Variants in VPS53 observed in about 807,000 individuals in gnomAD.
The protein encoded by VPS53 is VPS53 subunit of GARP complex.
In VPS53, 70 loss-of-function variants were observed where a neutral mutation model predicts 107.0. The ratio of observed to expected loss-of-function variants is 0.65; its 90% CI spans 0.54 to 0.80. The LOEUF is 0.80. VPS53 is among the 30% of genes least tolerant of loss of function. The probability of loss-of-function intolerance (pLI) is 0.00; values close to 1 mark genes in which losing one functional copy is unlikely to be tolerated. For missense variants in VPS53, 917 were observed against 1,049.4 expected, an observed-to-expected ratio of 0.87 and a Z score of 1.74; for synonymous variants, 409 against 393.3, an observed-to-expected ratio of 1.04 and a Z score of -0.47.
rs1463391352 is a variant in VPS53 at position 511,822 on chromosome 17, G to C, written c.*7306C>G. The C allele has an allele frequency of 1.3e-5, 2 of 152,200 alleles. No individual in the cohort carries two copies. Among genetic ancestry groups the C allele is most frequent in the Admixed American group, 1.3e-4 (2 of 15,284 alleles). The allele number at this position is 152,200 out of a possible 1,614,324, so 9.4% of individuals were successfully genotyped here. Reference sequence around the variant, plus strand: ...AAAAGAAAGGCAGGCAAGAATTTTTGTCCCTGTCGGGAGAAGAGTCTGGTC... The same window carrying C: ...AAAAGAAAGGCAGGCAAGAATTTTTCTCCCTGTCGGGAGAAGAGTCTGGTC... On this transcript the variant is annotated 3_prime_UTR_variant, in exon 22 of 22. Coordinates refer to ENST00000437048, the MANE Select transcript of VPS53 (RefSeq NM_001128159.3).
At chr17:686,895 C>G (rs573214243) in intron 4 of VPS53, among the ~76,000 whole-genome samples, 3 of 152,248 alleles carry the variant, frequency 2.0e-5, no homozygotes, top group Admixed American at 1.3e-4. Flanking sequence ...GCCTGTAATC[C>G]CAGCACTTTA....
At chr17:590,125 T>C (rs1392179324) in intron 12 of VPS53, among the ~76,000 whole-genome samples, 1 of 152,132 alleles carries the variant, frequency 6.6e-6, no homozygotes, top group Non-Finnish European at 1.5e-5. Context: ...AGGTATTTTA[T>C]TCTCTTTGAA....
At chr17:572,623 G>A (rs1408009227) in intron 13 of VPS53, among the ~76,000 whole-genome samples, 3 of 151,766 alleles carry the variant, frequency 2.0e-5, no homozygotes, top group Admixed American at 2.0e-4. Flanking sequence ...GAAATCGGAT[G>A]GTTGCCGTGT....
At chr17:545,601 A>G (rs189227638) in intron 17 of VPS53, among the ~76,000 whole-genome samples, 139 of 152,340 alleles carry the variant, frequency 9.1e-4, no homozygotes, top group Middle Eastern at 3.4e-3. Context: ...ATCTTTGGTC[A>G]AAAGTGTGTT....
chr17:609,465 T>C (rs963721912), intron 11 of VPS53, among the ~76,000 whole-genome samples: 3 of 152,198 alleles, frequency 2.0e-5, no homozygotes, highest in Non-Finnish European at 4.4e-5. Flanking sequence ...CATACGAACA[T>C]ATGTTTTTAA....
intron 4 of VPS53, among the ~76,000 whole-genome samples, chr17:671,433 A>G (rs1971943506): frequency 6.6e-6 from 1 of 152,188 alleles, no homozygotes; most frequent in South Asian, 2.1e-4. Context: ...GGGATTTTCA[A>G]CTAGCAGACT....
At chr17:661,689 G>T in intron 5 of VPS53, 120 bp downstream of exon 5, 1 of 896,534 alleles carries the variant, frequency 1.1e-6, no homozygotes, top group Non-Finnish European at 1.7e-6. Context: ...CTTTAGAGAT[G>T]CAGATGACTC....
chr17:539,702 C>G (rs1003784764), intron 17 of VPS53, among the ~76,000 whole-genome samples: 13 of 152,170 alleles, frequency 8.5e-5, no homozygotes, highest in Admixed American at 7.9e-4. Flanking sequence ...CATCATCCCC[C>G]ATGGGTGACT....
chr17:657,047 G>A (rs1971222484), intron 5 of VPS53: 2 of 877,958 alleles, frequency 2.3e-6, no homozygotes, highest in South Asian at 2.6e-5. Flanking sequence ...CACCATATAT[G>A]GCTTGCCAGT....
chr17:566,114 G>T (rs370081068), intron 13 of VPS53, among the ~76,000 whole-genome samples: 5 of 148,364 alleles, frequency 3.4e-5, no homozygotes, highest in African/African-American at 1.3e-4. Flanking sequence ...TGAGGCAGGA[G>T]AATGGCGTGA....
chr17:629,926 A>G (rs545259996), intron 8 of VPS53, among the ~76,000 whole-genome samples: 20 of 151,936 alleles, frequency 1.3e-4, no homozygotes, highest in African/African-American at 1.9e-4. Context: ...GGAATCTGGG[A>G]AAAAAAATAT....
intron 4 of VPS53, among the ~76,000 whole-genome samples, chr17:691,961 G>A (rs2143866518): frequency 6.6e-6 from 1 of 152,234 alleles, no homozygotes; most frequent in African/African-American, 2.4e-5. Flanking sequence ...ATCCACTGGG[G>A]GTCTTGGAAT....
At chr17:631,016 G>C (rs1390507687) in intron 8 of VPS53, among the ~76,000 whole-genome samples, 2 of 152,130 alleles carry the variant, frequency 1.3e-5, no homozygotes, top group Non-Finnish European at 2.9e-5. Context: ...CAGCTCCCAA[G>C]TGAAATGCTG....
intron 2 of VPS53, among the ~76,000 whole-genome samples, chr17:707,787 A>G (rs1482018396): frequency 6.7e-6 from 1 of 150,060 alleles, no homozygotes; most frequent in African/African-American, 2.5e-5. Flanking sequence ...GGGAGTTCAC[A>G]GTTACTGTGA....
At chr17:538,959 T>C (rs886765291) in intron 17 of VPS53, 2 of 152,208 alleles carry the variant, frequency 1.3e-5, no homozygotes, top group African/African-American at 4.8e-5. Context: ...ATGAGCATCC[T>C]GGGTGATTTT....
At chr17:645,111 A>G (rs1309390219) in intron 7 of VPS53, among the ~76,000 whole-genome samples, 3 of 152,316 alleles carry the variant, frequency 2.0e-5, no homozygotes, top group Non-Finnish European at 1.5e-5. Context: ...AATTTTTAAA[A>G]CTACCTCTTT....
At chr17:572,434 G>C (rs1381310661) in intron 13 of VPS53, among the ~76,000 whole-genome samples, 1 of 146,970 alleles carries the variant, frequency 6.8e-6, no homozygotes, top group Non-Finnish European at 1.5e-5. Context: ...CCCCCGCCCG[G>C]CCAGCCGCCC....
At chr17:601,385 C>G (rs1221182852) in intron 12 of VPS53, among the ~76,000 whole-genome samples, 1 of 152,236 alleles carries the variant, frequency 6.6e-6, no homozygotes, top group Non-Finnish European at 1.5e-5. Flanking sequence ...GATCAGCTTA[C>G]ACTGCATGGA....
In VPS53 at chr17:517,984, T is replaced by C. The variant is rs1204239665; in HGVS notation, c.*1144A>G. ...GTAGACATCTGTATGTTGCCCAGGC[T>C]GGTCTCAAACTCCTGGACTCAAGTG... On this transcript the variant is annotated 3_prime_UTR_variant, in exon 22 of 22. Coordinates refer to ENST00000437048, the MANE Select transcript of VPS53 (RefSeq NM_001128159.3). 6.6e-6 allele frequency: 1 copy of C among 152,388 alleles called. No individual in the cohort carries two copies. Among genetic ancestry groups the C allele is most frequent in the African/African-American group, 2.4e-5 (1 of 41,466 alleles). 9.4% of individuals were successfully genotyped at this position (152,388 alleles called of 1,614,324 possible).
Sources: allele counts gnomAD v4.1 joint callset (sites outside exome capture counted in the v4.1 genomes callset), GRCh38; gene constraint gnomAD v4.1.1; transcripts MANE v1.5; gene names NCBI Gene and HGNC (gene_info 2026-07-23, HGNC 2026-07-21).